The following ARAP2 variants were observed in gnomAD, a reference collection of about 807,000 sequenced individuals.
The protein encoded by ARAP2 is ArfGAP with RhoGAP domain, ankyrin repeat and PH domain 2, also known as arf-GAP with Rho-GAP domain, ANK repeat and PH domain-containing protein 2.
In ARAP2, 148 loss-of-function variants were observed where a neutral mutation model predicts 194.5. The ratio of observed to expected loss-of-function variants is 0.76; its 90% confidence interval spans 0.67 to 0.87. The LOEUF (loss-of-function observed/expected upper bound fraction) is 0.87. Among genes scored for constraint, ARAP2 ranks in the 40% least tolerant of loss-of-function variants. ARAP2 has a pLI of 0.00. For missense variants in ARAP2, 2,128 were observed against 1,989.7 expected (o/e 1.07, Z -1.32); for synonymous variants, 695 against 683.5 (o/e 1.02, Z -0.26).
At chr4:36,115,900 T>C (rs890786055) in intron 25 of ARAP2, among the ~76,000 whole-genome samples, 1 of 152,008 alleles carries the variant, frequency 6.6e-6, no homozygotes, top group Non-Finnish European at 1.5e-5. Flanking sequence ...CCGGATAACA[T>C]AAGAACATGG....
chr4:36,236,850 G>C (rs1035606593), intron 1 of ARAP2, among the ~76,000 whole-genome samples: 2 of 152,112 alleles, frequency 1.3e-5, no homozygotes, highest in Non-Finnish European at 2.9e-5. Flanking sequence ...ATAGTACCCA[G>C]ATAAAAAATT....
At chr4:36,065,054 G>A (rs777195309), downstream of ARAP2, 1 of 179,882 alleles carries the variant, frequency 5.6e-6, no homozygotes, top group Non-Finnish European at 1.2e-5. Flanking sequence ...GGGAGAGAAG[G>A]GCCAGGCAAG....
At chr4:36,014,376 AAGAAAG>A (rs1209889884) in intron 8 of ARAP2, among the ~76,000 whole-genome samples, 1 of 135,824 alleles carries the variant, frequency 7.4e-6, no homozygotes, top group African/African-American at 2.7e-5. Context: ...GAAAGAAAGA[AAGAAAG>A]AAAATGTAAG....
intron 2 of ARAP2, among the ~76,000 whole-genome samples, chr4:36,225,672 T>G (rs1750143804): frequency 6.6e-6 from 1 of 152,054 alleles, no homozygotes; most frequent in African/African-American, 2.4e-5. Context: ...TATCAGATTC[T>G]GTTGAGAGGA....
chr4:36,166,347 T>C (rs1247222910), intron 10 of ARAP2, among the ~76,000 whole-genome samples: 1 of 152,106 alleles, frequency 6.6e-6, no homozygotes, highest in African/African-American at 2.4e-5. Context: ...TTTTAGTTTA[T>C]TAAACCATAT....
intron 5 of ARAP2, among the ~76,000 whole-genome samples, chr4:36,211,068 T>C (rs1447276389): frequency 6.6e-6 from 1 of 152,122 alleles, no homozygotes; most frequent in African/African-American, 2.4e-5. Flanking sequence ...ACATCTTTAA[T>C]AGCACAATTA....
intron 5 of ARAP2, among the ~76,000 whole-genome samples, chr4:36,020,220 G>C (rs984281976): frequency 1.3e-5 from 2 of 152,156 alleles, no homozygotes; most frequent in African/African-American, 4.8e-5. Flanking sequence ...AAACCAGCCT[G>C]GTCAACATGG....
chr4:36,203,059 G>A (rs1438616997), intron 6 of ARAP2, among the ~76,000 whole-genome samples: 1 of 152,162 alleles, frequency 6.6e-6, no homozygotes, highest in Admixed American at 6.5e-5. Context: ...TTAAGATGTA[G>A]ACTTGCACTC....
In ARAP2 at chr4:36,156,352, A is replaced by AGG. The variant is rs1283663975; in HGVS notation, c.2752+2377_2752+2378insCC. Among the ~76,000 whole-genome samples the AGG allele has an allele frequency of 4.2e-3, 79 of 18,594 alleles. 3 individuals carry two copies. The highest frequency in any genetic ancestry group is 0.023 in the Middle Eastern group (1 of 44). The allele number at this position is 18,594 out of a possible 152,430, so 12.2% of individuals were successfully genotyped here. A position where few individuals can be genotyped will look rare whatever the true frequency, so the allele number is the denominator to read the frequency against. On this transcript the variant is annotated intron_variant, in intron 15 of 32. Transcript: ENST00000303965. ...GGGAGGGAGGGAAAGAGAGAGAGAG[A>AGG]GAGAGGGAGGGAGGGAGGGAGGGGG...
rs774008519 is a variant in ARAP2, at chr4:36,148,417, C to T, written c.2988G>A (p.Glu996=). The T allele has an allele frequency of 1.2e-6, 2 of 1,612,310 alleles. No homozygotes were observed. The highest frequency in any genetic ancestry group is 1.3e-5 in the African/African-American group (1 of 74,844). Residue 996 remains glutamate (E), a synonymous_variant, in exon 17 of 33, where the codon GAG becomes GAA. Transcript: ENST00000303965. ...AATATTTAAATACCTTGGCTATTGC[C>T]TCTGTCCATTTTCTTTGAGCTTGAG... ...ETSQAQRKWT[E]AIAKHFVPLF...
At chr4:36,076,428 A>G (rs1171507272) in intron 31 of ARAP2, among the ~76,000 whole-genome samples, 2 of 151,988 alleles carry the variant, frequency 1.3e-5, no homozygotes, top group African/African-American at 2.4e-5. Context: ...CTTCACCTCT[A>G]TCTAGTCACA....
intron 27 of ARAP2, among the ~76,000 whole-genome samples, chr4:36,099,631 T>C (rs1485163019): frequency 6.6e-6 from 1 of 152,120 alleles, no homozygotes; most frequent in Non-Finnish European, 1.5e-5. Flanking sequence ...TTTAAAATAA[T>C]GTAGACTTAA....
chr4:36,022,398 T>G (rs1039533625), intron 5 of ARAP2, among the ~76,000 whole-genome samples: 3 of 152,074 alleles, frequency 2.0e-5, no homozygotes, highest in Admixed American at 1.3e-4. Context: ...TTACCCAACA[T>G]AACGGCAGGA....
At chr4:36,032,809 G>A (rs1346040217) in intron 5 of ARAP2, among the ~76,000 whole-genome samples, 1 of 152,086 alleles carries the variant, frequency 6.6e-6, no homozygotes, top group Non-Finnish European at 1.5e-5. Context: ...TATGTTTTCT[G>A]ATCCTTGCCC....
At chr4:36,020,346 G>A (rs1317417862) in intron 5 of ARAP2, among the ~76,000 whole-genome samples, 1 of 152,182 alleles carries the variant, frequency 6.6e-6, no homozygotes, top group African/African-American at 2.4e-5. Context: ...GGGAGGCAGA[G>A]GTTGCAGTAA....
intron 6 of ARAP2, among the ~76,000 whole-genome samples, chr4:36,199,103 G>A (rs1035722090): frequency 2.0e-5 from 3 of 152,196 alleles, no homozygotes; most frequent in African/African-American, 2.4e-5. Context: ...CTTGGCTCAC[G>A]CCATCTCTGT....
chr4:36,158,302 G>GA (rs895792543), intron 15 of ARAP2, among the ~76,000 whole-genome samples: 47 of 146,344 alleles, frequency 3.2e-4, no homozygotes, highest in East Asian at 1.2e-3. Context: ...CTTTTCATCA[G>GA]AAAAAAAAAA....
chr4:36,069,370 T>A (rs899136161), intron 32 of ARAP2, among the ~76,000 whole-genome samples: 2 of 152,180 alleles, frequency 1.3e-5, no homozygotes, highest in African/African-American at 4.8e-5. Context: ...TTCCAAAGTT[T>A]CATTAGAATA....
At chr4:36,050,957 AAT>A (rs1241593827) in intron 3 of ARAP2, among the ~76,000 whole-genome samples, 3 of 152,228 alleles carry the variant, frequency 2.0e-5, no homozygotes, top group Non-Finnish European at 4.4e-5. Context: ...AAAGTAACAT[AAT>A]GAGTATTAAC....
Sources: allele counts gnomAD v4.1 joint callset (sites outside exome capture counted in the v4.1 genomes callset), GRCh38; gene constraint gnomAD v4.1.1; transcripts MANE v1.5; gene names NCBI Gene and HGNC (gene_info 2026-07-23, HGNC 2026-07-21).